Variants in CNTN1 observed in about 807,000 individuals in gnomAD.
CNTN1 encodes the protein contactin 1.
In CNTN1, 38 loss-of-function variants were observed where a neutral mutation model predicts 126.4. The observed-to-expected ratio is 0.30, with a 90% confidence interval of 0.23 to 0.39. CNTN1 has a LOEUF of 0.39. Ranked by LOEUF, CNTN1 falls within the 10% of genes least tolerant of loss-of-function variation. The pLI is 1.00. For missense variants in CNTN1, 1,009 were observed against 1,248.4 expected (o/e 0.81, Z 2.89); for synonymous variants, 413 against 422.6 (o/e 0.98, Z 0.28).
At chr12:40,835,845 G>A (rs1397000709) in intron 1 of CNTN1, among the ~76,000 whole-genome samples, 2 of 143,304 alleles carry the variant, frequency 1.4e-5, no homozygotes, top group African/African-American at 5.2e-5. Context: ...CACACAAGTT[G>A]GAGCAATTTC....
rs1214617999 is a variant in CNTN1 at position 40,837,060 on chromosome 12, C to T, written c.-76-71297C>T. Among the ~76,000 whole-genome samples the T allele has an allele frequency of 3.9e-5, 6 of 152,142 alleles. No individual in the cohort carries two copies. In the East Asian group the frequency reaches 1.2e-3, roughly 29 times the overall value. On this transcript the variant is annotated intron_variant, in intron 1 of 23. Coordinates refer to ENST00000551295, the MANE Select transcript of CNTN1 (RefSeq NM_001843.4). ...GAACCCCTATATTCATTAGATTGTT[C>T]ATCTCCCTTTCCTTTTAACTAAAAT... is the stretch of plus-strand genomic sequence containing the variant.
At chr12:40,956,545 G>T (rs534390553) in intron 14 of CNTN1, among the ~76,000 whole-genome samples, 2 of 152,064 alleles carry the variant, frequency 1.3e-5, no homozygotes, top group African/African-American at 4.8e-5. Flanking sequence ...GTTATGAGGG[G>T]TATGAATCAC....
At chr12:40,886,229 A>T (rs1320048061) in intron 1 of CNTN1, among the ~76,000 whole-genome samples, 1 of 152,068 alleles carries the variant, frequency 6.6e-6, no homozygotes, top group Non-Finnish European at 1.5e-5. Context: ...ACAGTGCTAA[A>T]TTCTGTGTTT....
intron 12 of CNTN1, among the ~76,000 whole-genome samples, chr12:40,940,845 A>G (rs1051536764): frequency 1.3e-5 from 2 of 152,186 alleles, no homozygotes; most frequent in African/African-American, 4.8e-5. Context: ...CATTTGTTCA[A>G]TTTGCCGCTG....
At chr12:40,870,313 G>T (rs1309200645) in intron 1 of CNTN1, among the ~76,000 whole-genome samples, 1 of 152,058 alleles carries the variant, frequency 6.6e-6, no homozygotes, top group Non-Finnish European at 1.5e-5. Context: ...TGGAAAATGG[G>T]ACTACTCATG....
At chr12:40,848,831 T>A (rs1462697399) in intron 1 of CNTN1, among the ~76,000 whole-genome samples, 1 of 151,636 alleles carries the variant, frequency 6.6e-6, no homozygotes, top group East Asian at 1.9e-4. Flanking sequence ...GTGTGTTTTT[T>A]TTTTTTTTTT....
intron 3 of CNTN1, among the ~76,000 whole-genome samples, chr12:40,912,000 A>G (rs1945055573): frequency 6.6e-6 from 1 of 152,238 alleles, no homozygotes; most frequent in Non-Finnish European, 1.5e-5. Flanking sequence ...AGGTGAATTG[A>G]AATTGAGAAT....
intron 1 of CNTN1, among the ~76,000 whole-genome samples, chr12:40,884,812 T>C (rs1202571802): frequency 6.6e-6 from 1 of 151,648 alleles, no homozygotes; most frequent in Admixed American, 6.6e-5. Flanking sequence ...TCTGTAATCT[T>C]TTTGAAGTTT....
intron 1 of CNTN1, among the ~76,000 whole-genome samples, chr12:40,900,653 G>T (rs1431958044): frequency 1.3e-5 from 2 of 152,160 alleles, no homozygotes; most frequent in Non-Finnish European, 2.9e-5. Context: ...GCAATGCTGA[G>T]AATTACTGAT....
intron 7 of CNTN1, 22 bp downstream of exon 7, chr12:40,930,024 C>T (rs370940612): frequency 9.5e-6 from 15 of 1,571,366 alleles, no homozygotes; most frequent in Non-Finnish European, 1.2e-5. Context: ...ATTTGTTACA[C>T]TCTGTTTTCG....
intron 15 of CNTN1, among the ~76,000 whole-genome samples, chr12:40,975,739 C>G (rs985834366): frequency 6.6e-6 from 1 of 151,770 alleles, no homozygotes; most frequent in Non-Finnish European, 1.5e-5. Flanking sequence ...AAAGGTAGCC[C>G]AAAGAAGGGT....
In CNTN1 at chr12:41,037,169, G is replaced by T. The variant is rs1389265919; in HGVS notation, c.2980+7950G>T. On this transcript the variant is annotated intron_variant, in intron 23 of 23. Transcript: ENST00000551295. ...TTGTTTTTAAATGTTATTAATGATG[G>T]ATTGGTATGGTTTATTTTTATGCAA... Among the ~76,000 whole-genome samples the T allele has an allele frequency of 5.9e-5, 9 of 152,000 alleles. No homozygotes were observed. In the East Asian group the frequency reaches 1.7e-3, roughly 29 times the overall value.
intron 15 of CNTN1, chr12:40,971,753 A>G (rs2137047366): frequency 1.6e-6 from 2 of 1,249,812 alleles, no homozygotes; most frequent in South Asian, 2.0e-5. Flanking sequence ...ACATTATATA[A>G]TGGCCAAGTG....
intron 14 of CNTN1, among the ~76,000 whole-genome samples, chr12:40,952,355 T>G (rs1946720980): frequency 6.6e-6 from 1 of 152,070 alleles, no homozygotes. Context: ...GGCTATGAAA[T>G]TATAAATATA....
chr12:40,946,832 G>A (rs1946450490), intron 14 of CNTN1, among the ~76,000 whole-genome samples: 1 of 151,896 alleles, frequency 6.6e-6, no homozygotes, highest in African/African-American at 2.4e-5. Flanking sequence ...CCTTGTATAA[G>A]GATTCAAATT....
chr12:40,802,114 TGA>T (rs1307668102), intron 1 of CNTN1, among the ~76,000 whole-genome samples: 2 of 151,918 alleles, frequency 1.3e-5, no homozygotes, highest in African/African-American at 4.8e-5. Context: ...GGGAAAATAT[TGA>T]GAGTTCAGTT....
At chr12:40,708,933 C>T (rs968338488) in intron 1 of CNTN1, among the ~76,000 whole-genome samples, 22 of 152,140 alleles carry the variant, frequency 1.4e-4, no homozygotes, top group African/African-American at 4.8e-4. Flanking sequence ...TATTGAACTC[C>T]TCAAATTCAA....
chr12:40,924,273 G>A (rs1565957887), intron 5 of CNTN1, among the ~76,000 whole-genome samples: 1 of 152,068 alleles, frequency 6.6e-6, no homozygotes, highest in Non-Finnish European at 1.5e-5. Flanking sequence ...CCCTAAGTCT[G>A]AAACAAAAGT....
intron 16 of CNTN1, among the ~76,000 whole-genome samples, chr12:40,989,641 C>A (rs1374653857): frequency 1.3e-5 from 2 of 152,112 alleles, no homozygotes; most frequent in Non-Finnish European, 2.9e-5. Flanking sequence ...ACTGTCCACT[C>A]TAAATAGACA....
Sources: allele counts gnomAD v4.1 joint callset (sites outside exome capture counted in the v4.1 genomes callset), GRCh38; gene constraint gnomAD v4.1.1; transcripts MANE v1.5; gene names NCBI Gene and HGNC (gene_info 2026-07-23, HGNC 2026-07-21).